The following PTPRR variants were observed in gnomAD, a reference collection of about 807,000 sequenced individuals.
PTPRR encodes protein tyrosine phosphatase receptor type R.
Under a neutral mutation model 77.2 loss-of-function variants are expected in PTPRR, and 38 were observed. The observed-to-expected ratio is 0.49, with a 90% CI of 0.38 to 0.65. The LOEUF is 0.65. Ranked by LOEUF, PTPRR falls within the 30% of genes least tolerant of loss-of-function variation. The probability of loss-of-function intolerance (pLI) is 0.00; values close to 1 mark genes in which losing one functional copy is unlikely to be tolerated. For synonymous variants in PTPRR, 299 were observed against 283.1 expected (o/e 1.06, Z -0.57); for missense variants, 744 against 799.2 (o/e 0.93, Z 0.83).
At chr12:70,906,161 T>G (rs1213574481) in intron 1 of PTPRR, among the ~76,000 whole-genome samples, 2 of 152,000 alleles carry the variant, frequency 1.3e-5, no homozygotes, top group African/African-American at 4.8e-5. Context: ...AGATTCTAAT[T>G]TAAATGACCT....
chr12:70,855,145 T>A (rs1892631627), intron 2 of PTPRR, among the ~76,000 whole-genome samples: 1 of 152,174 alleles, frequency 6.6e-6, no homozygotes, highest in South Asian at 2.1e-4. Context: ...GCTAGGAGAA[T>A]TCTTCCATGA....
At chr12:70,707,108 G>A (rs547230642) in intron 6 of PTPRR, among the ~76,000 whole-genome samples, 52 of 152,050 alleles carry the variant, frequency 3.4e-4, no homozygotes, top group Non-Finnish European at 6.2e-4. Context: ...TATCACACAT[G>A]CAAAATCAAT....
intron 8 of PTPRR, among the ~76,000 whole-genome samples, chr12:70,696,752 C>T (rs1888247161): frequency 6.6e-6 from 1 of 152,014 alleles, no homozygotes; most frequent in African/African-American, 2.4e-5. Flanking sequence ...AAATACAGGT[C>T]CTTTAGCAGT....
chr12:70,806,964 C>T (rs1891721382), intron 2 of PTPRR, among the ~76,000 whole-genome samples: 1 of 152,196 alleles, frequency 6.6e-6, no homozygotes, highest in Non-Finnish European at 1.5e-5. Flanking sequence ...AAACTAAGTA[C>T]TCATTTCTGC....
At chr12:70,896,098 A>T (rs1893423142) in intron 1 of PTPRR, among the ~76,000 whole-genome samples, 1 of 151,716 alleles carries the variant, frequency 6.6e-6, no homozygotes, top group African/African-American at 2.4e-5. Context: ...CTATATTAAT[A>T]TCAATTCAGC....
chr12:70,686,442 G>A (rs192127513), intron 8 of PTPRR, among the ~76,000 whole-genome samples: 4 of 152,216 alleles, frequency 2.6e-5, no homozygotes, highest in Admixed American at 6.5e-5. Context: ...CCATGAGGAC[G>A]GTGATGGTTT....
chr12:70,844,711 A>T (rs1385827072), intron 2 of PTPRR, among the ~76,000 whole-genome samples: 1 of 152,184 alleles, frequency 6.6e-6, no homozygotes, highest in Admixed American at 6.5e-5. Context: ...GTTTGAATTT[A>T]AGGTTCATCA....
At chr12:70,819,231 G>A (rs555742062) in intron 2 of PTPRR, among the ~76,000 whole-genome samples, 1 of 152,350 alleles carries the variant, frequency 6.6e-6, no homozygotes, top group Non-Finnish European at 1.5e-5. Context: ...TGAGGCATGA[G>A]GAGGTGCAGG....
At chr12:70,909,099 C>T (rs1214432405) in intron 1 of PTPRR, among the ~76,000 whole-genome samples, 4 of 152,114 alleles carry the variant, frequency 2.6e-5, no homozygotes, top group South Asian at 4.1e-4. Context: ...ACCTGAGGGG[C>T]GCTGCCAGCA....
intron 2 of PTPRR, among the ~76,000 whole-genome samples, chr12:70,853,997 T>C (rs1484238564): frequency 6.6e-6 from 1 of 152,174 alleles, no homozygotes; most frequent in Non-Finnish European, 1.5e-5. Context: ...ATATCATCAT[T>C]ATTATCATTA....
intron 1 of PTPRR, among the ~76,000 whole-genome samples, chr12:70,899,369 C>T (rs1016588888): frequency 7.9e-5 from 12 of 151,364 alleles, no homozygotes; most frequent in African/African-American, 2.7e-4. Flanking sequence ...AGACATATGC[C>T]ACTACCAAAT....
intron 6 of PTPRR, among the ~76,000 whole-genome samples, chr12:70,714,910 G>A (rs1888963800): frequency 6.6e-6 from 1 of 152,142 alleles, no homozygotes; most frequent in Admixed American, 6.5e-5. Flanking sequence ...CTGGAGCCTA[G>A]GGAGGTTGAG....
At chr12:70,883,450 A>G (rs1490136013) in intron 2 of PTPRR, among the ~76,000 whole-genome samples, 2 of 152,148 alleles carry the variant, frequency 1.3e-5, no homozygotes, top group African/African-American at 2.4e-5. Flanking sequence ...TATCTTAACA[A>G]TAACAATATC....
intron 2 of PTPRR, among the ~76,000 whole-genome samples, chr12:70,797,017 A>T (rs1479870107): frequency 6.6e-6 from 1 of 151,924 alleles, no homozygotes; most frequent in Non-Finnish European, 1.5e-5. Context: ...GACTCTGTCT[A>T]AAAAAAATTG....
chr12:70,898,363 A>G (rs1453230785), intron 1 of PTPRR, among the ~76,000 whole-genome samples: 1 of 147,048 alleles, frequency 6.8e-6, no homozygotes, highest in Non-Finnish European at 1.5e-5. Flanking sequence ...TGCACTTTTA[A>G]AAAGACACCT....
intron 2 of PTPRR, among the ~76,000 whole-genome samples, chr12:70,794,968 G>A (rs987202599): frequency 6.6e-6 from 1 of 151,906 alleles, no homozygotes; most frequent in East Asian, 1.9e-4. Flanking sequence ...GAGATTCAGG[G>A]TGGGACAGTT....
intron 2 of PTPRR, among the ~76,000 whole-genome samples, chr12:70,874,800 T>C (rs1020076383): frequency 1.3e-5 from 2 of 150,976 alleles, no homozygotes; most frequent in East Asian, 2.0e-4. Flanking sequence ...CGTGCACCTA[T>C]AGTACCAGCT....
intron 2 of PTPRR, among the ~76,000 whole-genome samples, chr12:70,864,227 T>G (rs778796635): frequency 6.6e-6 from 1 of 152,124 alleles, no homozygotes; most frequent in Non-Finnish European, 1.5e-5. Context: ...TGACCAAGCA[T>G]CCTCCACTTT....
chr12:70,892,022 A>C (rs1292281963), intron 2 of PTPRR, among the ~76,000 whole-genome samples: 1 of 152,110 alleles, frequency 6.6e-6, no homozygotes, highest in African/African-American at 2.4e-5. Flanking sequence ...TATGTATTTA[A>C]ACTATGATAA....
Sources: gnomAD v4.1 joint callset for allele counts (sites outside exome capture counted in the v4.1 genomes callset) on GRCh38, gnomAD v4.1.1 for gene constraint, MANE v1.5 for transcripts, NCBI Gene and HGNC (gene_info 2026-07-23, HGNC 2026-07-21) for gene names.